ANKRD50: variants seen among roughly 807,000 people sequenced by gnomAD.
ANKRD50 encodes ankyrin repeat domain 50.
Under a neutral mutation model 112.0 loss-of-function variants are expected in ANKRD50, and 40 were observed. The ratio of observed to expected loss-of-function variants is 0.36; its 90% CI spans 0.28 to 0.46. The LOEUF is 0.46. Among genes scored for constraint, ANKRD50 ranks in the 20% least tolerant of loss-of-function variants. The probability of loss-of-function intolerance (pLI) is 1.00; values close to 1 mark genes in which losing one functional copy is unlikely to be tolerated. For synonymous variants in ANKRD50, 613 were observed against 619.1 expected (o/e 0.99, Z 0.15); for missense variants, 1,487 against 1,701.7 (o/e 0.87, Z 2.22).
intron 3 of ANKRD50, among the ~76,000 whole-genome samples, chr4:124,674,141 T>A (rs1354106284): frequency 2.6e-5 from 4 of 152,024 alleles, no homozygotes; most frequent in African/African-American, 9.7e-5. Flanking sequence ...GGGAAATACC[T>A]AGTACATTGC....
chr4:124,692,700 A>G (rs1456927704), intron 2 of ANKRD50, among the ~76,000 whole-genome samples: 2 of 152,164 alleles, frequency 1.3e-5, no homozygotes, highest in African/African-American at 4.8e-5. Context: ...AAATACAGCA[A>G]GAAGGTGCCA....
At chr4:124,691,983 G>A (rs145978455) in intron 2 of ANKRD50, among the ~76,000 whole-genome samples, 1,629 of 152,242 alleles carry the variant, frequency 0.011, 19 homozygotes, top group Non-Finnish European at 0.017. Flanking sequence ...CACACCTGAC[G>A]TCATGGGACA....
At position 124,710,557 on chromosome 4, in the gene ANKRD50, C is replaced by T; in HGVS notation, c.-46G>A. The T allele has an allele frequency of 6.5e-7, 1 of 1,540,112 alleles. No individual in the cohort carries two copies. Among genetic ancestry groups the T allele is most frequent in the Non-Finnish European group, 8.7e-7 (1 of 1,144,098 alleles). On this transcript the variant is annotated 5_prime_UTR_variant, in exon 2 of 5. In the 5' UTR this introduces an upstream ATG that the reference lacks. Transcript: ENST00000504087. ...TTGCTAGAGTCTGGATACATCAACA[C>T]AGGTCTTTCCATCCATTATGACATA...
intron 2 of ANKRD50, among the ~76,000 whole-genome samples, chr4:124,683,375 A>G (rs1286836059): frequency 6.6e-6 from 1 of 151,872 alleles, no homozygotes. Flanking sequence ...CCTACATGCA[A>G]TCTGTAATGA....
At chr4:124,703,807 A>G (rs1725446287) in intron 2 of ANKRD50, among the ~76,000 whole-genome samples, 1 of 148,852 alleles carries the variant, frequency 6.7e-6, no homozygotes, top group South Asian at 2.1e-4. Context: ...GTTATCAAAC[A>G]ATAAATTGGA....
At chr4:124,682,460 T>C (rs1724913791) in intron 2 of ANKRD50, among the ~76,000 whole-genome samples, 1 of 152,166 alleles carries the variant, frequency 6.6e-6, no homozygotes, top group African/African-American at 2.4e-5. Flanking sequence ...TTTTGGTTTA[T>C]TTACTCTATC....
intron 2 of ANKRD50, among the ~76,000 whole-genome samples, chr4:124,692,895 G>A (rs1725169777): frequency 6.6e-6 from 1 of 152,132 alleles, no homozygotes; most frequent in African/African-American, 2.4e-5. Context: ...AGAGTATGTA[G>A]AAGCACGATC....
At position 124,670,152 on chromosome 4, in the gene ANKRD50, CA is replaced by C; in HGVS notation, c.3124del (p.Cys1042ValfsTer24). On this transcript the variant is annotated frameshift_variant, in exon 4 of 5. Coordinates refer to ENST00000504087, the MANE Select transcript of ANKRD50 (RefSeq NM_020337.3). LOFTEE classifies it high-confidence loss of function. ...ACAGAGTGCAGTTGCACCTTGGTTA[CA>C]TGTATGGTCAACTACAGCACCATGC... is the stretch of plus-strand genomic sequence containing the variant. ...IEHGAVVDHT[C>X]NQGATALCIA... The C allele has an allele frequency of 6.2e-7, 1 of 1,611,964 alleles. No individual in the cohort carries two copies. The highest frequency in any genetic ancestry group is 8.5e-7 in the Non-Finnish European group (1 of 1,179,390).
At chr4:124,682,637 A>G (rs548573016) in intron 2 of ANKRD50, among the ~76,000 whole-genome samples, 3 of 152,186 alleles carry the variant, frequency 2.0e-5, no homozygotes, top group South Asian at 4.1e-4. Flanking sequence ...AAATGACTCT[A>G]TATCTAGTAA....
At chr4:124,684,782 T>C (rs1368821518) in intron 2 of ANKRD50, among the ~76,000 whole-genome samples, 1 of 152,228 alleles carries the variant, frequency 6.6e-6, no homozygotes, top group Non-Finnish European at 1.5e-5. Flanking sequence ...CCCAGTACTA[T>C]TTAAAATGGT....
rs375103677 is a variant in ANKRD50 at position 124,708,719 on chromosome 4, CAT to C, written c.512+1279_512+1280del. The stretch of plus-strand genomic sequence containing the variant: ...ACACACACACACACACACACACACA[CAT>C]ACACACACACACATTTAAAATCTCA... On this transcript the variant is annotated intron_variant, in intron 2 of 4. Coordinates refer to ENST00000504087, the MANE Select transcript of ANKRD50 (RefSeq NM_020337.3). Among the ~76,000 whole-genome samples, 367 of 137,908 alleles carry C rather than the reference CAT, an allele frequency of 2.7e-3. 1 individual carries two copies. The highest frequency in any genetic ancestry group is 4.5e-3 in the Middle Eastern group (1 of 222). 90.5% of individuals were successfully genotyped at this position (137,908 alleles called of 152,430 possible).
intron 3 of ANKRD50, among the ~76,000 whole-genome samples, chr4:124,673,927 T>G (rs1476617256): frequency 6.6e-6 from 1 of 152,170 alleles, no homozygotes; most frequent in African/African-American, 2.4e-5. Flanking sequence ...AATTGATTAT[T>G]AAATCCTCAA....
Position 124,671,588 on chromosome 4 carries a change from T to C in ANKRD50, c.1689A>G (p.Leu563=). The change falls in exon 4 of 5, where the codon TTA becomes TTG. Residue 563 remains leucine, a synonymous_variant. Coordinates refer to ENST00000504087, the MANE Select transcript of ANKRD50 (RefSeq NM_020337.3). Reference sequence around the variant, plus strand: ...CTAAATCTGCTCCCCTAGAGACAAGTAAATTGACTACATCAAGACTGCCAC... The same window carrying C: ...CTAAATCTGCTCCCCTAGAGACAAGCAAATTGACTACATCAAGACTGCCAC... ...AYSGSLDVVN[L]LVSRGADLEI... 6.2e-7 allele frequency: 1 copy of C among 1,613,854 alleles called. No individual in the cohort carries two copies. The highest frequency in any genetic ancestry group is 8.5e-7 in the Non-Finnish European group (1 of 1,179,854).
chr4:124,678,833 A>T lies in ANKRD50; in HGVS notation c.585T>A (p.Asp195Glu), dbSNP rs752562034. Residue 195 changes from aspartate to glutamate, a missense_variant, in exon 3 of 5, where the codon GAT becomes GAA. Asp to Glu is a conservative substitution (Grantham distance 45, BLOSUM62 2). Around this residue, in one of 2 missense-constraint regions of ANKRD50, gnomAD observed 1,046 missense variants for 1,269.5 expected, o/e 0.82. Transcript: ENST00000504087. ...QSLYLLVDSVDEGCNITEGEQ... is the reference protein window; with the variant it reads ...QSLYLLVDSVEEGCNITEGEQ... Reference sequence around the variant, plus strand: ...CACCTTCAGTAATGTTACACCCTTCATCAACAGAATCAACAAGCAGGTATA... The same window carrying T: ...CACCTTCAGTAATGTTACACCCTTCTTCAACAGAATCAACAAGCAGGTATA... 6.2e-7 allele frequency: 1 copy of T among 1,613,900 alleles called. No homozygotes were observed. Among genetic ancestry groups the T allele is most frequent in the Non-Finnish European group, 8.5e-7 (1 of 1,179,818 alleles).
Position 124,710,580 on chromosome 4 carries a change from A to G in ANKRD50, c.-69T>C. 4 of 1,484,618 alleles carry G rather than the reference A, an allele frequency of 2.7e-6. No individual in the cohort carries two copies. Among genetic ancestry groups the G allele is most frequent in the Non-Finnish European group, 3.6e-6 (4 of 1,107,632 alleles). The allele number at this position is 1,484,618 out of a possible 1,614,324, so 92.0% of individuals were successfully genotyped here. A position where few individuals can be genotyped will look rare whatever the true frequency, so the allele number is the denominator to read the frequency against. On this transcript the variant is annotated 5_prime_UTR_variant, in exon 2 of 5. The change abolishes an upstream ATG in the 5' untranslated region. Transcript: ENST00000504087. ...CACAGGTCTTTCCATCCATTATGAC[A>G]TAACTTGTATATTAAGTTGACTCTG...
At chr4:124,693,779 G>T (rs1256294470) in intron 2 of ANKRD50, among the ~76,000 whole-genome samples, 1 of 152,000 alleles carries the variant, frequency 6.6e-6, no homozygotes, top group Non-Finnish European at 1.5e-5. Context: ...TACCTAGAAG[G>T]TAAACTCTAA....
intron 3 of ANKRD50, among the ~76,000 whole-genome samples, chr4:124,672,911 T>G (rs1730695644): frequency 6.6e-6 from 1 of 152,050 alleles, no homozygotes. Context: ...ACATAACAAG[T>G]AAGGTTTCTT....
intron 2 of ANKRD50, among the ~76,000 whole-genome samples, chr4:124,704,012 A>G (rs1725451725): frequency 6.6e-6 from 1 of 152,228 alleles, no homozygotes. Flanking sequence ...GGTAAAAAGA[A>G]AAGATTTTCA....
At chr4:124,694,493 G>A (rs1725207102) in intron 2 of ANKRD50, among the ~76,000 whole-genome samples, 1 of 152,144 alleles carries the variant, frequency 6.6e-6, no homozygotes, top group Non-Finnish European at 1.5e-5. Flanking sequence ...GCTGATGGAA[G>A]TAAAGGGAAT....
Sources: allele counts gnomAD v4.1 joint callset (sites outside exome capture counted in the v4.1 genomes callset), GRCh38; gene constraint gnomAD v4.1.1; regional missense constraint gnomAD v4.1.1; transcripts MANE v1.5; gene names NCBI Gene and HGNC (gene_info 2026-07-23, HGNC 2026-07-21).